The following LRRC42 variants were observed in gnomAD, a reference collection of about 807,000 sequenced individuals.
LRRC42 encodes the protein leucine rich repeat containing 42.
A neutral mutation model predicts 44.3 loss-of-function variants in LRRC42; 43 were observed. The ratio of observed to expected loss-of-function variants is 0.97; its 90% CI spans 0.76 to 1.25. The LOEUF is 1.25. LRRC42 is among the 50% of genes most tolerant of loss of function. The pLI, the probability that LRRC42 is intolerant of heterozygous loss-of-function variation, is 0.00. For synonymous variants in LRRC42, 207 were observed against 195.2 expected, an observed-to-expected ratio of 1.06 and a Z score of -0.50; for missense variants, 540 against 509.1, an observed-to-expected ratio of 1.06 and a Z score of -0.58.
At chr1:53,962,007 G>C in intron 5 of LRRC42, 27 bp from the exon 6 acceptor site, 1 of 1,503,096 alleles carries the variant, frequency 6.7e-7, no homozygotes, top group Non-Finnish European at 9.2e-7. Context: ...TATTGTGACA[G>C]AATGCTACGT....
chr1:53,952,509 G>A (rs372022163), intron 3 of LRRC42, 37 bp downstream of exon 3: 3 of 1,528,358 alleles, frequency 2.0e-6, no homozygotes, highest in Non-Finnish European at 2.7e-6. Flanking sequence ...TATTTTATTG[G>A]GTGTGTTAAT....
Position 53,954,621 on chromosome 1 carries a change from T to G in LRRC42, c.473+2149T>G, listed in dbSNP as rs143862175. ...TTCAAATATATTATTTTTATACATT[T>G]GGGAATATATACTTTGTACAACTCG... is the stretch of plus-strand genomic sequence containing the variant. On this transcript the variant is annotated intron_variant, in intron 3 of 8. Coordinates refer to ENST00000371370, the MANE Select transcript of LRRC42 (RefSeq NM_001256409.2). Among the ~76,000 whole-genome samples the G allele has an allele frequency of 5.7e-3, 867 of 152,332 alleles. 8 individuals carry two copies. Among genetic ancestry groups the G allele is most frequent in the African/African-American group, 0.02 (831 of 41,570 alleles).
intron 7 of LRRC42, among the ~76,000 whole-genome samples, chr1:53,963,227 T>C (rs1249172617): frequency 2.0e-5 from 3 of 152,196 alleles, no homozygotes; most frequent in Non-Finnish European, 4.4e-5. Context: ...GGGAGACTGC[T>C]GAGTCGTGTT....
At chr1:53,963,410 G>A in intron 7 of LRRC42, among the ~76,000 whole-genome samples, 1 of 152,186 alleles carries the variant, frequency 6.6e-6, no homozygotes, top group East Asian at 1.9e-4. Flanking sequence ...GTGACATGGT[G>A]GAAAGAGCAT....
In LRRC42 at chr1:53,952,197, A is replaced by G. The variant is rs746036998; in HGVS notation, c.198A>G (p.Lys66=). ...ACAGGGAAGACGACACTGCACGGAA[A>G]GAGAAGACTGATCATTTCATCTTCA... ...CMNREDDTAR[K]EKTDHFIFTY... The change falls in exon 3 of 9, where the codon AAA becomes AAG. Residue 66 remains lysine (K), a synonymous_variant. Transcript: ENST00000371370. 1 of 1,614,164 alleles carries G rather than the reference A, an allele frequency of 6.2e-7. No individual in the cohort carries two copies. Among genetic ancestry groups the G allele is most frequent in the Non-Finnish European group, 8.5e-7 (1 of 1,179,956 alleles).
In LRRC42 at chr1:53,962,310, C is replaced by T. The variant is rs1655018215; in HGVS notation, c.828C>T (p.Val276=). The stretch of plus-strand genomic sequence containing the variant: ...TGCCTCACTAGGACATCAAAACCGT[C>T]AAGCACAAGCTCCAGACCCACATAG... ...SGTGLKDIKT[V]KHKLQTHIGL... is the part of the protein sequence containing the mutation. The change falls in exon 7 of 9, where the codon GTC becomes GTT. Residue 276 remains valine, a synonymous_variant. Coordinates refer to ENST00000371370, the MANE Select transcript of LRRC42 (RefSeq NM_001256409.2). 6.2e-7 allele frequency: 1 copy of T among 1,613,804 alleles called. No homozygotes were observed. The highest frequency in any genetic ancestry group is 8.5e-7 in the Non-Finnish European group (1 of 1,179,646).
Position 53,958,311 on chromosome 1 carries a change from T to C in LRRC42, c.605+31T>C, listed in dbSNP as rs376395175. The C allele has an allele frequency of 8.1e-6, 13 of 1,610,702 alleles. No homozygotes were observed. The African/African-American group carries it at 9.3e-5, about 12-fold the overall frequency. On this transcript the variant is annotated intron_variant, in intron 4 of 8. Coordinates refer to ENST00000371370, the MANE Select transcript of LRRC42 (RefSeq NM_001256409.2). ...GACCTGTCACCACTTGCAGATGAAT[T>C]GTTTCAGTATTGTTTTAAAGGCTGA...
At chr1:53,961,303 C>T (rs530268043) in intron 5 of LRRC42, among the ~76,000 whole-genome samples, 87 of 152,006 alleles carry the variant, frequency 5.7e-4, no homozygotes, top group Admixed American at 1.1e-3. Context: ...CCCAGCTACT[C>T]GGGAGGCTGA....
intron 7 of LRRC42, among the ~76,000 whole-genome samples, chr1:53,964,466 C>T (rs1184589663): frequency 6.6e-6 from 1 of 152,140 alleles, no homozygotes. Flanking sequence ...CAGCTTGTCC[C>T]GAACCAAACT....
In LRRC42 at chr1:53,952,176, G is replaced by A. The variant is rs777845837; in HGVS notation, c.177G>A (p.Arg59=). ...KGFSVELCMN[R]EDDTARKEKT... The stretch of plus-strand genomic sequence containing the variant: ...TTTCTGTGGAGCTTTGCATGAACAG[G>A]GAAGACGACACTGCACGGAAAGAGA... The change falls in exon 3 of 9, where the codon AGG becomes AGA. Residue 59 remains arginine (R), a synonymous_variant. Coordinates refer to ENST00000371370, the MANE Select transcript of LRRC42 (RefSeq NM_001256409.2). The A allele has an allele frequency of 1.2e-6, 2 of 1,614,150 alleles. No homozygotes were observed. The highest frequency in any genetic ancestry group is 1.7e-6 in the Non-Finnish European group (2 of 1,179,998).
rs202206055 is a variant in LRRC42 at position 53,960,357 on chromosome 1, G to A, written c.607G>A (p.Val203Ile). ...EHLTNEALSS[V>I]TQLHLKDNCL... Reference sequence around the variant, plus strand: ...TATGTATGTACTTTGTTTCCCTAGTGTAACTCAGCTCCACCTGAAGGATAA... The same window carrying A: ...TATGTATGTACTTTGTTTCCCTAGTATAACTCAGCTCCACCTGAAGGATAA... Residue 203 changes from valine to isoleucine, a missense_variant and splice_region_variant, in exon 5 of 9, where the codon GTA becomes ATA. Transcript: ENST00000371370. The A allele has an allele frequency of 1.7e-5, 27 of 1,608,702 alleles. No homozygotes were observed. The highest frequency in any genetic ancestry group is 2.0e-5 in the Non-Finnish European group (23 of 1,177,230).
chr1:53,966,898 G>A (rs1005464042), intron 8 of LRRC42, among the ~76,000 whole-genome samples: 5 of 152,014 alleles, frequency 3.3e-5, no homozygotes, highest in African/African-American at 7.2e-5. Context: ...GATTCGTAGA[G>A]CAAGCAGAAT....
intron 1 of LRRC42, among the ~76,000 whole-genome samples, chr1:53,947,283 A>G (rs2100912011): frequency 6.6e-6 from 1 of 151,976 alleles, no homozygotes; most frequent in South Asian, 2.1e-4. Context: ...GAGTGGGGTT[A>G]GGATTTTTGG....
chr1:53,951,952 A>T, intron 2 of LRRC42, 34 bp from the exon 3 acceptor site: 2 of 1,497,514 alleles, frequency 1.3e-6, no homozygotes, highest in South Asian at 1.2e-5. Flanking sequence ...TGGCATTTTA[A>T]TTGGATTTGC....
chr1:53,963,977 G>A (rs937985827), intron 7 of LRRC42, among the ~76,000 whole-genome samples: 1 of 114,306 alleles, frequency 8.7e-6, no homozygotes, highest in African/African-American at 3.6e-5. Context: ...GTCCCCCTTT[G>A]TTGGCTATCT....
intron 7 of LRRC42, among the ~76,000 whole-genome samples, chr1:53,963,821 C>T (rs145718784): frequency 7.4e-4 from 113 of 152,280 alleles, no homozygotes; most frequent in Non-Finnish European, 1.2e-3. Context: ...CCCTTCTATC[C>T]GAGAGAACAA....
chr1:53,959,537 C>T (rs975384547), intron 4 of LRRC42, among the ~76,000 whole-genome samples: 2 of 152,212 alleles, frequency 1.3e-5, no homozygotes, highest in Non-Finnish European at 2.9e-5. Context: ...AGCATCAAGG[C>T]TCAGATTTCT....
At position 53,952,431 on chromosome 1, in the gene LRRC42, C is replaced by T. The variant is rs1654718806; in HGVS notation, c.432C>T (p.Ala144=). The T allele has an allele frequency of 6.2e-7, 1 of 1,604,898 alleles. No homozygotes were observed. Among genetic ancestry groups the T allele is most frequent in the Non-Finnish European group, 8.5e-7 (1 of 1,172,578 alleles). ...GLRALQKFTE[A]YGSLVLCSLC... Reference sequence around the variant, plus strand: ...GGGCTTTACAGAAATTCACTGAGGCCTATGGAAGTTTGGTGCTTTGCTCCC... The same window carrying T: ...GGGCTTTACAGAAATTCACTGAGGCTTATGGAAGTTTGGTGCTTTGCTCCC... The change falls in exon 3 of 9, where the codon GCC becomes GCT. Residue 144 remains alanine (A), a synonymous_variant. Transcript: ENST00000371370.
Position 53,952,106 on chromosome 1 carries a change from G to A in LRRC42, c.107G>A (p.Ser36Asn). 1 of 1,614,234 alleles carries A rather than the reference G, an allele frequency of 6.2e-7. No homozygotes were observed. The highest frequency in any genetic ancestry group is 8.5e-7 in the Non-Finnish European group (1 of 1,180,040). Residue 36 changes from serine to asparagine, a missense_variant, in exon 3 of 9, where the codon AGT becomes AAT. Transcript: ENST00000371370. ...MVNLALDGVRSSLQKPRPFRL... is the reference protein window; with the variant it reads ...MVNLALDGVRNSLQKPRPFRL... The stretch of plus-strand genomic sequence containing the variant: ...AATCTGGCTCTGGATGGTGTCAGGA[G>A]TAGCCTGCAGAAGCCAAGGCCTTTC...
Sources: gnomAD v4.1 joint callset for allele counts (sites outside exome capture counted in the v4.1 genomes callset) on GRCh38, gnomAD v4.1.1 for gene constraint, MANE v1.5 for transcripts, NCBI Gene and HGNC (gene_info 2026-07-23, HGNC 2026-07-21) for gene names.